The following FSHR variants were observed in gnomAD, a reference collection of about 807,000 sequenced individuals.
FSHR encodes the protein follicle-stimulating hormone receptor.
FSHR carries 46 observed loss-of-function variants against 52.1 expected under a neutral mutation model. The ratio of observed to expected loss-of-function variants is 0.88; its 90% confidence interval spans 0.70 to 1.13. FSHR has a LOEUF of 1.13. FSHR is among the 50% of genes most tolerant of loss of function. The pLI, the probability that FSHR is intolerant of heterozygous loss-of-function variation, is 0.00. For synonymous variants in FSHR, 399 were observed against 309.6 expected (o/e 1.29, Z -3.03); for missense variants, 964 against 834.6 (o/e 1.16, Z -1.91).
At chr2:49,109,048 G>A (rs1040192797) in intron 1 of FSHR, among the ~76,000 whole-genome samples, 2 of 152,114 alleles carry the variant, frequency 1.3e-5, no homozygotes, top group Non-Finnish European at 2.9e-5. Flanking sequence ...AGCAGAGGAA[G>A]CAAATCTGCC....
chr2:49,083,325 T>C (rs1340273559), intron 1 of FSHR, among the ~76,000 whole-genome samples: 1 of 149,842 alleles, frequency 6.7e-6, no homozygotes, highest in Non-Finnish European at 1.5e-5. Context: ...AGGCCTGCCC[T>C]AAAAGAGCTC....
chr2:49,116,507 G>A lies in FSHR; in HGVS notation c.152+37759C>T, dbSNP rs1031955070. ...CCCTGTAAAATGAGAATAAAAATAG[G>A]ACTTCCTAATAAAGCTGTTGTGAGG... On this transcript the variant is annotated intron_variant, in intron 1 of 9. Transcript: ENST00000406846. Among the ~76,000 whole-genome samples the A allele has an allele frequency of 5.3e-5, 8 of 152,224 alleles. No homozygotes were observed. The East Asian group carries it at 1.5e-3, about 29-fold the overall frequency.
intron 2 of FSHR, among the ~76,000 whole-genome samples, chr2:49,029,017 G>A (rs978555960): frequency 3.3e-5 from 5 of 152,092 alleles, no homozygotes; most frequent in Admixed American, 1.3e-4. Flanking sequence ...ATCAGGGCAG[G>A]GTAAGAGTTT....
chr2:49,030,315 T>TGTGTGTGTG (rs1558400395), intron 2 of FSHR, among the ~76,000 whole-genome samples: 6 of 143,686 alleles, frequency 4.2e-5, no homozygotes, highest in East Asian at 4.1e-4. Flanking sequence ...TGTGTGTGTG[T>TGTGTGTGTG]TATTGGAGGC....
At chr2:49,112,065 C>T (rs1671441878) in intron 1 of FSHR, among the ~76,000 whole-genome samples, 1 of 152,032 alleles carries the variant, frequency 6.6e-6, no homozygotes, top group African/African-American at 2.4e-5. Flanking sequence ...TTTTTTTTCA[C>T]CTCATGGTGT....
At chr2:49,134,834 A>G (rs1194420641) in intron 1 of FSHR, among the ~76,000 whole-genome samples, 2 of 152,148 alleles carry the variant, frequency 1.3e-5, no homozygotes, top group Non-Finnish European at 2.9e-5. Context: ...CAAACACCGC[A>G]TATTCTCACT....
intron 2 of FSHR, among the ~76,000 whole-genome samples, chr2:49,053,481 GAAGTAATTAAAGAC>G (rs1313762629): frequency 1.3e-5 from 2 of 152,034 alleles, no homozygotes; most frequent in Admixed American, 1.3e-4. Context: ...ATATGGCTCC[GAAGTAATTAAAGAC>G]AATGTAAACA....
rs143972148 is a variant in FSHR at position 49,017,501 on chromosome 2, T to C, written c.362A>G (p.Asn121Ser). 28 of 1,612,444 alleles carry C rather than the reference T, an allele frequency of 1.7e-5. No homozygotes were observed. In the African/African-American group the frequency reaches 3.6e-4, roughly 21 times the overall value. The change falls in exon 4 of 10, where the codon AAC becomes AGC. Residue 121 changes from asparagine to serine, a missense_variant. Physicochemically the swap from Asn to Ser is conservative, Grantham distance 46 (BLOSUM62 1). Coordinates refer to ENST00000406846, the MANE Select transcript of FSHR (RefSeq NM_000145.4). ...CATGAGTTCTTACAGATATTGAAGG[T>C]TGGGAAGGTTCTGGAAGGCCTCAGG... ...INPEAFQNLP[N>S]LQYLLISNTG...
intron 2 of FSHR, among the ~76,000 whole-genome samples, chr2:49,048,300 T>C (rs1668732270): frequency 1.3e-5 from 2 of 149,824 alleles, no homozygotes; most frequent in Admixed American, 1.4e-4. Flanking sequence ...GGTTTTCTTA[T>C]AGAAAAAAAA....
chr2:49,030,969 C>A (rs1668080429), intron 2 of FSHR, among the ~76,000 whole-genome samples: 1 of 152,188 alleles, frequency 6.6e-6, no homozygotes, highest in South Asian at 2.1e-4. Context: ...AAAACGCCAT[C>A]ATTCTAGGGA....
rs77461924 is a variant in FSHR, at chr2:49,016,742, C to T, written c.374+747G>A. On this transcript the variant is annotated intron_variant, in intron 4 of 9. Coordinates refer to ENST00000406846, the MANE Select transcript of FSHR (RefSeq NM_000145.4). ...TTTGTGTAGTGGTTGGTTGGTTATG[C>T]ATGATTATGATGCTAATAGATAACA... 4.6e-3 allele frequency among the ~76,000 whole-genome samples: 707 copies of T among 152,208 alleles called. 4 individuals carry two copies. The highest frequency in any genetic ancestry group is 0.015 in the African/African-American group (639 of 41,544).
intron 1 of FSHR, among the ~76,000 whole-genome samples, chr2:49,124,159 AT>A (rs5831025): frequency 0.46 from 65,174 of 140,820 alleles, 15,315 homozygotes; most frequent in East Asian, 0.7. Flanking sequence ...CGTCCGGCTA[AT>A]TTTTTTTTTT....
Position 48,963,611 on chromosome 2 carries a change from G to C in FSHR, c.1210C>G (p.Leu404Val), listed in dbSNP as rs1674334172. ...LTVPRFLMCN[L>V]AFADLCIGIY... ...CCAATGCAGAGATCAGCAAAGGCCA[G>C]GTTGCACATAAGGAACCTGGGGACT... Residue 404 changes from leucine to valine, a missense_variant, in exon 10 of 10, where the codon CTG (leucine) becomes GTG (valine). Leu to Val is a conservative substitution (Grantham distance 32). Coordinates refer to ENST00000406846, the MANE Select transcript of FSHR (RefSeq NM_000145.4). 3 of 1,614,078 alleles carry C rather than the reference G, an allele frequency of 1.9e-6. No individual in the cohort carries two copies. The highest frequency in any genetic ancestry group is 2.5e-6 in the Non-Finnish European group (3 of 1,180,034).
chr2:48,975,335 A>G (rs2104030308), intron 8 of FSHR, among the ~76,000 whole-genome samples: 1 of 151,214 alleles, frequency 6.6e-6, no homozygotes, highest in East Asian at 2.0e-4. Flanking sequence ...CTTCAGACTC[A>G]GAGTTATACC....
chr2:49,133,288 G>A (rs1399042948), intron 1 of FSHR, among the ~76,000 whole-genome samples: 1 of 152,194 alleles, frequency 6.6e-6, no homozygotes, highest in Non-Finnish European at 1.5e-5. Context: ...ACCATGACCT[G>A]TTGAGAATAT....
At chr2:49,150,493 G>T (rs1219619047) in intron 1 of FSHR, among the ~76,000 whole-genome samples, 2 of 152,048 alleles carry the variant, frequency 1.3e-5, no homozygotes, top group Admixed American at 6.6e-5. Context: ...CAACATGAGA[G>T]ATATTGTGCA....
chr2:49,084,297 C>T (rs1162218950), intron 1 of FSHR, among the ~76,000 whole-genome samples: 23 of 151,874 alleles, frequency 1.5e-4, no homozygotes, highest in South Asian at 4.2e-4. Context: ...TTGAAACCAA[C>T]GAGAACAAAG....
intron 1 of FSHR, among the ~76,000 whole-genome samples, chr2:49,151,873 G>A (rs1389604740): frequency 6.6e-6 from 1 of 152,116 alleles, no homozygotes; most frequent in Non-Finnish European, 1.5e-5. Context: ...CTAACAGTAT[G>A]TGAGTTGTAA....
At chr2:49,150,671 C>T (rs920631730) in intron 1 of FSHR, among the ~76,000 whole-genome samples, 1 of 151,988 alleles carries the variant, frequency 6.6e-6, no homozygotes, top group African/African-American at 2.4e-5. Flanking sequence ...CTATACTCCA[C>T]CATCTCTGAC....
Sources: gnomAD v4.1 joint callset for allele counts (sites outside exome capture counted in the v4.1 genomes callset) on GRCh38, gnomAD v4.1.1 for gene constraint, MANE v1.5 for transcripts, NCBI Gene and HGNC (gene_info 2026-07-23, HGNC 2026-07-21) for gene names.